PRKCE: variants seen among roughly 807,000 people sequenced by gnomAD.
The protein encoded by PRKCE is protein kinase C epsilon.
PRKCE carries 16 observed loss-of-function variants against 85.4 expected under a neutral mutation model. That is an observed-to-expected ratio of 0.19 (90% CI 0.13 to 0.28). The LOEUF (loss-of-function observed/expected upper bound fraction) is 0.28. Ranked by LOEUF, PRKCE falls within the 10% of genes least tolerant of loss-of-function variation. PRKCE has a pLI of 1.00. For missense variants in PRKCE, 573 were observed against 975.2 expected (o/e 0.59, Z 5.49); for synonymous variants, 388 against 371.5 (o/e 1.04, Z -0.51).
intron 2 of PRKCE, among the ~76,000 whole-genome samples, chr2:45,889,845 A>G (rs1451761064): frequency 1.3e-5 from 2 of 152,244 alleles, no homozygotes; most frequent in African/African-American, 2.4e-5. Flanking sequence ...CCAGTTAACC[A>G]CACAGATTAA....
At chr2:45,782,320 G>T (rs1686251955) in intron 1 of PRKCE, among the ~76,000 whole-genome samples, 1 of 152,106 alleles carries the variant, frequency 6.6e-6, no homozygotes, top group African/African-American at 2.4e-5. Flanking sequence ...AGGCAGTATG[G>T]TGTCACAACA....
intron 2 of PRKCE, among the ~76,000 whole-genome samples, chr2:45,877,168 A>G (rs940768331): frequency 4.6e-5 from 7 of 152,056 alleles, no homozygotes; most frequent in African/African-American, 1.7e-4. Context: ...GTAACATTCC[A>G]CTGTCTAGTA....
chr2:45,749,240 G>A (rs1365023936), intron 1 of PRKCE, among the ~76,000 whole-genome samples: 1 of 152,126 alleles, frequency 6.6e-6, no homozygotes, highest in Non-Finnish European at 1.5e-5. Flanking sequence ...ATCCACCATG[G>A]GTATGTGCTC....
intron 6 of PRKCE, among the ~76,000 whole-genome samples, chr2:45,997,696 G>T (rs1421806073): frequency 6.6e-6 from 1 of 151,890 alleles, no homozygotes; most frequent in Non-Finnish European, 1.5e-5. Flanking sequence ...GCAGGCATAC[G>T]CCACCACACC....
At chr2:45,971,889 C>G (rs561039370) in intron 2 of PRKCE, among the ~76,000 whole-genome samples, 2 of 152,224 alleles carry the variant, frequency 1.3e-5, no homozygotes, top group African/African-American at 2.4e-5. Flanking sequence ...GCTTCCATGT[C>G]TTGGCTATTG....
intron 14 of PRKCE, among the ~76,000 whole-genome samples, chr2:46,162,447 A>G (rs1214047170): frequency 6.6e-6 from 1 of 152,010 alleles, no homozygotes; most frequent in Non-Finnish European, 1.5e-5. Context: ...TTAAAGACTG[A>G]CTTCATCGTT....
chr2:45,943,610 T>G (rs1250912828), intron 2 of PRKCE, among the ~76,000 whole-genome samples: 1 of 152,262 alleles, frequency 6.6e-6, no homozygotes, highest in Non-Finnish European at 1.5e-5. Flanking sequence ...CCTTTTTTTT[T>G]CTGTCTTAAA....
At chr2:45,826,204 A>G (rs1422806230) in intron 1 of PRKCE, among the ~76,000 whole-genome samples, 2 of 152,160 alleles carry the variant, frequency 1.3e-5, no homozygotes, top group East Asian at 1.9e-4. Context: ...CTCTAGTTTC[A>G]TGGCTCAAAC....
intron 10 of PRKCE, among the ~76,000 whole-genome samples, chr2:46,060,675 C>T (rs954432648): frequency 6.6e-5 from 10 of 151,992 alleles, no homozygotes; most frequent in African/African-American, 2.2e-4. Flanking sequence ...TGCACCTGTG[C>T]GTCCATCCCA....
intron 11 of PRKCE, among the ~76,000 whole-genome samples, chr2:46,127,274 G>A (rs1017127163): frequency 6.6e-6 from 1 of 152,076 alleles, no homozygotes; most frequent in African/African-American, 2.4e-5. Flanking sequence ...ACAGTGTCCC[G>A]CACAGTGAGT....
intron 2 of PRKCE, among the ~76,000 whole-genome samples, chr2:45,927,143 TG>T (rs1242268096): frequency 2.6e-5 from 4 of 151,764 alleles, no homozygotes; most frequent in African/African-American, 9.7e-5. Context: ...CATGCATGAG[TG>T]TGCACGGGAC....
At chr2:46,106,302 ATC>A (rs1180167654) in intron 11 of PRKCE, among the ~76,000 whole-genome samples, 11 of 152,186 alleles carry the variant, frequency 7.2e-5, no homozygotes, top group African/African-American at 2.7e-4. Context: ...CTCATTGCTT[ATC>A]TGTGAACTCC....
At chr2:45,989,648 T>A (rs201563270) in intron 6 of PRKCE, among the ~76,000 whole-genome samples, 2 of 147,256 alleles carry the variant, frequency 1.4e-5, no homozygotes, top group Admixed American at 6.7e-5. Context: ...TTTCCTTGTT[T>A]AAAAAAAAAA....
chr2:46,125,424 T>C (rs919110746), intron 11 of PRKCE, among the ~76,000 whole-genome samples: 3 of 152,198 alleles, frequency 2.0e-5, no homozygotes, highest in African/African-American at 7.2e-5. Flanking sequence ...AAAGTTTGAA[T>C]TTGTGGGAGT....
intron 10 of PRKCE, among the ~76,000 whole-genome samples, chr2:46,082,764 G>A (rs906142113): frequency 1.3e-5 from 2 of 152,226 alleles, no homozygotes; most frequent in African/African-American, 4.8e-5. Flanking sequence ...ACAAGTGTGT[G>A]TTGAAAGAGG....
chr2:45,687,084 A>G (rs1338291244), intron 1 of PRKCE, among the ~76,000 whole-genome samples: 5 of 152,152 alleles, frequency 3.3e-5, no homozygotes, highest in Admixed American at 3.3e-4. Flanking sequence ...TCAAAAAGAG[A>G]GAGATTGATA....
chr2:45,866,102 G>A (rs1162604975), intron 2 of PRKCE, among the ~76,000 whole-genome samples: 1 of 152,030 alleles, frequency 6.6e-6, no homozygotes, highest in Non-Finnish European at 1.5e-5. Flanking sequence ...TTACAGGCAT[G>A]AGCCACCGTG....
intron 2 of PRKCE, among the ~76,000 whole-genome samples, chr2:45,917,899 G>A (rs1032482570): frequency 7.1e-5 from 9 of 127,306 alleles, no homozygotes; most frequent in South Asian, 6.1e-4. Context: ...TACACCCTCC[G>A]CAGCCGCTGG....
At position 46,007,443 on chromosome 2, in the gene PRKCE, T is replaced by G. The variant is rs1263815043; in HGVS notation, c.1064-19T>G. On this transcript the variant is annotated intron_variant, in intron 8 of 14. Transcript: ENST00000306156. ...AAGAGGTATGCACTAATGCAATTTC[T>G]TGTTCCCCTTGGCCCTAGAAATAAA... The G allele has an allele frequency of 1.3e-6, 2 of 1,599,392 alleles. No homozygotes were observed. The highest frequency in any genetic ancestry group is 1.7e-6 in the Non-Finnish European group (2 of 1,179,602).
Sources: allele counts gnomAD v4.1 joint callset (sites outside exome capture counted in the v4.1 genomes callset), GRCh38; gene constraint gnomAD v4.1.1; transcripts MANE v1.5; gene names NCBI Gene and HGNC (gene_info 2026-07-23, HGNC 2026-07-21).